POLI: variants seen among roughly 807,000 people sequenced by gnomAD.
POLI encodes the protein RAD30 homolog B.
In POLI, 58 loss-of-function variants were observed where a neutral mutation model predicts 51.6. The observed-to-expected ratio is 1.12, with a 90% CI of 0.91 to 1.40. The LOEUF is 1.40. POLI is among the 40% of genes most tolerant of loss of function. POLI has a pLI of 0.00. For synonymous variants in POLI, 322 were observed against 299.7 expected, an observed-to-expected ratio of 1.07 and a Z score of -0.77; for missense variants, 921 against 871.3, an observed-to-expected ratio of 1.06 and a Z score of -0.72.
At chr18:54,275,880 G>A (rs1258716463) in intron 3 of POLI, among the ~76,000 whole-genome samples, 1 of 151,964 alleles carries the variant, frequency 6.6e-6, no homozygotes, top group Admixed American at 6.6e-5. Flanking sequence ...AAGTAGGCGC[G>A]TAGCCAGTTA....
intron 3 of POLI, among the ~76,000 whole-genome samples, chr18:54,312,422 C>T (rs2088680484): frequency 6.6e-6 from 1 of 152,136 alleles, no homozygotes. Flanking sequence ...CTGCAGTGAA[C>T]ATATGGGTGC....
In POLI at chr18:54,296,901, C is replaced by CT. The variant is rs2088358161; in HGVS notation, c.*2437dup. 1.1e-6 allele frequency: 1 copy of CT among 932,030 alleles called. No individual in the cohort carries two copies. Among genetic ancestry groups the CT allele is most frequent in the African/African-American group, 1.8e-5 (1 of 55,920 alleles). The allele number at this position is 932,030 out of a possible 1,614,324, so 57.7% of individuals were successfully genotyped here. The stretch of plus-strand genomic sequence containing the variant: ...TTTTGATAATTTCAATATTTTAAGT[C>CT]TTTATAAGTCTACATTTAAGGTTAT... On this transcript the variant is annotated 3_prime_UTR_variant, in exon 10 of 10. Coordinates refer to ENST00000579534, the MANE Select transcript of POLI (RefSeq NM_007195.3).
chr18:54,290,766 G>A (rs1328217383), intron 8 of POLI, among the ~76,000 whole-genome samples: 1 of 152,114 alleles, frequency 6.6e-6, no homozygotes, highest in Non-Finnish European at 1.5e-5. Context: ...ACTCATAAGT[G>A]GGAGTTGAAC....
At chr18:54,302,627 A>G (rs2088512064), downstream of POLI, among the ~76,000 whole-genome samples, 1 of 152,220 alleles carries the variant, frequency 6.6e-6, no homozygotes, top group Non-Finnish European at 1.5e-5. Flanking sequence ...CAAACAATCA[A>G]CTTATAATCT....
rs192357332 is a variant in POLI at position 54,318,244 on chromosome 18, C to A, written c.334-2029C>A. Among the ~76,000 whole-genome samples, 36 of 152,148 alleles carry A rather than the reference C, an allele frequency of 2.4e-4. No individual in the cohort carries two copies. In the East Asian group the frequency reaches 5.4e-3, roughly 23 times the overall value. On this transcript the variant is annotated intron_variant, in intron 3 of 4. Coordinates refer to the POLI transcript ENST00000579823. ...TCTAAGATAGTAGTAATAATAGGAGCTGGGTTTAGTTTGACCAAATACTGA... is the reference window on the plus strand; with the variant it reads ...TCTAAGATAGTAGTAATAATAGGAGATGGGTTTAGTTTGACCAAATACTGA...
At position 54,307,926 on chromosome 18, in the gene POLI, A is replaced by T. The variant is rs143890168; in HGVS notation, c.334-12347A>T. Reference sequence around the variant, plus strand: ...ACCCCTGTTTTTTTTTTTGCTTACCATTTACTTGGTAGATTTTCCTCCATC... The same window carrying T: ...ACCCCTGTTTTTTTTTTTGCTTACCTTTTACTTGGTAGATTTTCCTCCATC... On this transcript the variant is annotated intron_variant, in intron 3 of 4. Coordinates refer to the POLI transcript ENST00000579823. Among the ~76,000 whole-genome samples the T allele has an allele frequency of 5.8e-3, 851 of 146,742 alleles. 6 individuals are homozygous for T. Among genetic ancestry groups the T allele is most frequent in the African/African-American group, 0.017 (680 of 39,260 alleles).
chr18:54,317,897 T>C (rs529496572), intron 3 of POLI, among the ~76,000 whole-genome samples: 1 of 152,264 alleles, frequency 6.6e-6, no homozygotes, highest in South Asian at 2.1e-4. Context: ...CTTTGGTAGT[T>C]GAAGATTAAG....
chr18:54,280,901 C>T lies in POLI; in HGVS notation c.794C>T (p.Pro265Leu). The T allele has an allele frequency of 6.7e-7, 1 of 1,491,524 alleles. No homozygotes were observed. The highest frequency in any genetic ancestry group is 9.4e-7 in the Non-Finnish European group (1 of 1,069,166). 92.4% of individuals were successfully genotyped at this position (1,491,524 alleles called of 1,614,324 possible). ...AGTTTGAATCACATAAAGGAAATAC[C>T]TGGTAAGACAAATATATTTGAAAAG... is the stretch of plus-strand genomic sequence containing the variant. ...IHSLNHIKEI[P>L]GIGYKTAKCL... The change falls in exon 5 of 10, where the codon CCT (proline) becomes CTT (leucine). Residue 265 changes from proline (P) to leucine (L), a missense_variant and splice_region_variant. Pro to Leu is a moderately conservative substitution (Grantham distance 98, BLOSUM62 -3). Transcript: ENST00000579534.
In POLI at chr18:54,271,684, T is replaced by C. The variant is rs141939030; in HGVS notation, c.241+199T>C. On this transcript the variant is annotated intron_variant, in intron 2 of 9. Transcript: ENST00000579534. ...ATTTAATAAGTGGTGAATCTGAGAA[T>C]AGTGTAGTCGGCAGAACAAATGAAG... Among the ~76,000 whole-genome samples the C allele has an allele frequency of 9.2e-4, 140 of 152,350 alleles. 2 individuals carry two copies. Among genetic ancestry groups the C allele is most frequent in the Non-Finnish European group, 1.6e-3 (106 of 68,038 alleles).
intron 4 of POLI, among the ~76,000 whole-genome samples, chr18:54,279,411 T>G (rs2087398789): frequency 6.6e-6 from 1 of 152,014 alleles, no homozygotes; most frequent in South Asian, 2.1e-4. Flanking sequence ...CCCGGCTAAT[T>G]TTTTTATTTT....
chr18:54,297,081 T>C lies in POLI; in HGVS notation c.*2614T>C, dbSNP rs2088367431. The C allele has an allele frequency of 9.1e-6, 9 of 985,424 alleles. No individual in the cohort carries two copies. Among genetic ancestry groups the C allele is most frequent in the Non-Finnish European group, 1.1e-5 (9 of 829,910 alleles). 61.0% of individuals were successfully genotyped at this position (985,424 alleles called of 1,614,324 possible). A position where few individuals can be genotyped will look rare whatever the true frequency, so the allele number is the denominator to read the frequency against. ...CTCCTTGGCATACTCTATTCACCTT[T>C]GTGGATCCTGATTGAATGCCTTGTC... is the stretch of plus-strand genomic sequence containing the variant. On this transcript the variant is annotated 3_prime_UTR_variant, in exon 10 of 10. Transcript: ENST00000579534.
At position 54,297,933 on chromosome 18, in the gene POLI, T is replaced by C. The variant is rs1360835141; in HGVS notation, c.*3466T>C. 1 of 981,504 alleles carries C rather than the reference T, an allele frequency of 1.0e-6. No individual in the cohort carries two copies. Among genetic ancestry groups the C allele is most frequent in the African/African-American group, 1.7e-5 (1 of 57,162 alleles). The allele number at this position is 981,504 out of a possible 1,614,324, so 60.8% of individuals were successfully genotyped here. On this transcript the variant is annotated 3_prime_UTR_variant, in exon 10 of 10. Transcript: ENST00000579534. The stretch of plus-strand genomic sequence containing the variant: ...GTAGAATTCTTTATACCTTCTGAAA[T>C]TATGTCCTTAGAGCTGTAGATTTAG...
intron 3 of POLI, among the ~76,000 whole-genome samples, chr18:54,313,590 G>A (rs754652282): frequency 6.6e-6 from 1 of 152,184 alleles, no homozygotes; most frequent in Non-Finnish European, 1.5e-5. Flanking sequence ...CAATGAGCAT[G>A]GAATGTGTTT....
At chr18:54,290,306 G>A (rs538553596) in intron 8 of POLI, among the ~76,000 whole-genome samples, 37 of 152,146 alleles carry the variant, frequency 2.4e-4, no homozygotes, top group African/African-American at 7.0e-4. Flanking sequence ...TTAGAATGGC[G>A]ATCATTAAAA....
At chr18:54,284,636 A>G (rs2087664832) in intron 7 of POLI, 1 of 152,268 alleles carries the variant, frequency 6.6e-6, no homozygotes, top group South Asian at 2.1e-4. Context: ...AAGAAGCAGA[A>G]GAACCCTTGT....
At chr18:54,285,930 G>GT (rs2087721722) in intron 7 of POLI, among the ~76,000 whole-genome samples, 1 of 152,162 alleles carries the variant, frequency 6.6e-6, no homozygotes, top group Non-Finnish European at 1.5e-5. Context: ...GATGGCAGTA[G>GT]TGCAGTTAGG....
chr18:54,271,253 G>A lies in POLI; in HGVS notation c.116-107G>A, dbSNP rs556415177. 11 of 900,872 alleles carry A rather than the reference G, an allele frequency of 1.2e-5. No homozygotes were observed. The African/African-American group carries it at 1.4e-4, about 11-fold the overall frequency. The allele number at this position is 900,872 out of a possible 1,614,324, so 55.8% of individuals were successfully genotyped here. On this transcript the variant is annotated intron_variant, in intron 1 of 9. Coordinates refer to ENST00000579534, the MANE Select transcript of POLI (RefSeq NM_007195.3). ...TCACACATAATCCAGGAGAAAACAC[G>A]TCACTCTGCATTCTTCCTTCACAGG...
rs1402213666 is a variant in POLI, at chr18:54,274,020, G to C, written c.336G>C (p.Lys112Asn). The change falls in exon 3 of 10, where the codon AAG becomes AAC. Residue 112 changes from lysine to asparagine, a missense_variant. Coordinates refer to ENST00000579534, the MANE Select transcript of POLI (RefSeq NM_007195.3). ...KLMNVRDAKE[K>N]CPQLVLVNGE... ...TGAATGTCAGAGATGCAAAAGAAAA[G>C]TGTCCACAGTTGGTATTAGTTAATG... 1.3e-6 allele frequency: 2 copies of C among 1,580,856 alleles called. No homozygotes were observed. The highest frequency in any genetic ancestry group is 1.7e-6 in the Non-Finnish European group (2 of 1,161,818).
In POLI at chr18:54,280,687, T is replaced by C. The variant is rs755371428; in HGVS notation, c.580T>C (p.Leu194=). The change falls in exon 5 of 10, where the codon TTG becomes CTG. Residue 194 remains leucine, a synonymous_variant. Coordinates refer to ENST00000579534, the MANE Select transcript of POLI (RefSeq NM_007195.3). ...NNQSINLLDV[L]HIRLLVGSQI... ...TAAAGCTATAAACCTGCTTGACGTC[T>C]TGCACATCAGACTACTTGTTGGATC... The C allele has an allele frequency of 3.1e-6, 5 of 1,612,432 alleles. No individual in the cohort carries two copies. The South Asian group carries it at 5.5e-5, about 18-fold the overall frequency.
Sources: allele counts gnomAD v4.1 joint callset (sites outside exome capture counted in the v4.1 genomes callset), GRCh38; gene constraint gnomAD v4.1.1; transcripts MANE v1.5; gene names NCBI Gene and HGNC (gene_info 2026-07-23, HGNC 2026-07-21).